The following PRR33 variants were observed in gnomAD, a reference collection of about 807,000 sequenced individuals.
PRR33 encodes proline-rich protein 33.
In PRR33, 1 loss-of-function variant was observed where a neutral mutation model predicts 0.5. That is an observed-to-expected ratio of 2.18 (90% CI 0.77 to 10.34). PRR33 has a LOEUF of 10.34. PRR33 is among the 30% of genes most tolerant of loss of function. The probability of loss-of-function intolerance (pLI) is 0.13; values close to 1 mark genes in which losing one functional copy is unlikely to be tolerated. For synonymous variants in PRR33, 226 were observed against 110.0 expected, an observed-to-expected ratio of 2.06 and a Z score of -6.60; for missense variants, 552 against 251.8, an observed-to-expected ratio of 2.19 and a Z score of -8.07.
At chr11:1,890,827 T>C in exon 1 of PRR33, 1 of 565,386 alleles carries the variant, frequency 1.8e-6, no homozygotes, top group Non-Finnish European at 3.2e-6. Context: ...GCCGAGTCCC[T>C]CCAGGGATGG....
chr11:1,905,618 T>C, the PRR33 span, among the ~76,000 whole-genome samples: 1 of 151,534 alleles, frequency 6.6e-6, no homozygotes, highest in African/African-American at 2.4e-5. Flanking sequence ...TTTGTATTTT[T>C]GGTAGAGACG....
At chr11:1,916,366 T>A in the PRR33 span, among the ~76,000 whole-genome samples, 1 of 152,048 alleles carries the variant, frequency 6.6e-6, no homozygotes, top group Admixed American at 6.5e-5. Context: ...ATACACACAG[T>A]TCAGAAAAGC....
At chr11:1,916,815 A>G in the PRR33 span, among the ~76,000 whole-genome samples, 1 of 152,172 alleles carries the variant, frequency 6.6e-6, no homozygotes, top group Non-Finnish European at 1.5e-5. Context: ...CCACGGCCAC[A>G]GCAACCCCAT....
chr11:1,908,333 A>G, the PRR33 span, among the ~76,000 whole-genome samples: 8 of 19,366 alleles, frequency 4.1e-4, no homozygotes, highest in African/African-American at 8.9e-4. Context: ...CCCACCCCCA[A>G]ATAAACTCAC....
upstream of PRR33, among the ~76,000 whole-genome samples, chr11:1,893,361 A>G (rs969363140): frequency 2.3e-4 from 33 of 146,362 alleles, no homozygotes; most frequent in African/African-American, 8.0e-4. Context: ...AGGTGGGTGG[A>G]TGGATGGACT....
the PRR33 span, among the ~76,000 whole-genome samples, chr11:1,908,659 C>T: frequency 6.6e-6 from 1 of 152,156 alleles, no homozygotes; most frequent in Non-Finnish European, 1.5e-5. Flanking sequence ...TGCATCTGGC[C>T]GCGTTCCTGA....
chr11:1,899,946 G>T, the PRR33 span, among the ~76,000 whole-genome samples: 5 of 151,972 alleles, frequency 3.3e-5, no homozygotes, highest in Admixed American at 1.3e-4. Context: ...AGTTTCGATT[G>T]TCCTCCCAGG....
chr11:1,899,464 T>C, the PRR33 span, among the ~76,000 whole-genome samples: 2 of 152,188 alleles, frequency 1.3e-5, no homozygotes, highest in Admixed American at 6.5e-5. Context: ...CTGTACCTGG[T>C]GAAAATATAC....
exon 1 of PRR33, chr11:1,889,085 C>A (rs1472180822): frequency 2.4e-5 from 14 of 588,832 alleles, no homozygotes; most frequent in Non-Finnish European, 9.2e-6. Context: ...CCAGCTAGAG[C>A]CTCAGCCCCT....
chr11:1,899,684 G>A, the PRR33 span, among the ~76,000 whole-genome samples: 3 of 152,248 alleles, frequency 2.0e-5, no homozygotes, highest in Non-Finnish European at 2.9e-5. Flanking sequence ...TAATATTATT[G>A]TATCTGTAAC....
the PRR33 span, among the ~76,000 whole-genome samples, chr11:1,916,450 T>C: frequency 3.6e-4 from 54 of 151,978 alleles, no homozygotes; most frequent in Non-Finnish European, 1.3e-4. Flanking sequence ...CCCCAGCCAC[T>C]GAGAGAGGAT....
At chr11:1,889,784 C>A (rs1019723336) in exon 1 of PRR33, 1 of 648,926 alleles carries the variant, frequency 1.5e-6, no homozygotes, top group Non-Finnish European at 2.8e-6. Context: ...CTATGGGCAC[C>A]ACAACCCTGG....
chr11:1,905,868 G>A, the PRR33 span, among the ~76,000 whole-genome samples: 380 of 151,954 alleles, frequency 2.5e-3, no homozygotes, highest in Non-Finnish European at 3.4e-3. Context: ...ATCCAGGCTC[G>A]AGTGTATTGG....
chr11:1,899,746 G>T, the PRR33 span, among the ~76,000 whole-genome samples: 4 of 152,104 alleles, frequency 2.6e-5, no homozygotes, highest in Non-Finnish European at 5.9e-5. Context: ...CATCTATCAT[G>T]GGAGATTTCT....
At chr11:1,910,502 C>A in the PRR33 span, among the ~76,000 whole-genome samples, 314 of 152,330 alleles carry the variant, frequency 2.1e-3, 2 homozygotes, top group Non-Finnish European at 3.4e-3. Context: ...GCCACCTCGG[C>A]CTTCCAAAGT....
the PRR33 span, among the ~76,000 whole-genome samples, chr11:1,910,721 C>T: frequency 2.0e-5 from 3 of 152,220 alleles, no homozygotes; most frequent in Admixed American, 6.5e-5. Flanking sequence ...GCATTCTTAA[C>T]GCTATCATTT....
the PRR33 span, among the ~76,000 whole-genome samples, chr11:1,915,482 A>G: frequency 0.79 from 110,426 of 140,464 alleles, 43,125 homozygotes; most frequent in African/African-American, 0.81. Flanking sequence ...CACACACCTC[A>G]GATGATGTTT....
chr11:1,905,989 A>T, the PRR33 span, among the ~76,000 whole-genome samples: 1,151 of 129,604 alleles, frequency 8.9e-3, 21 homozygotes, highest in African/African-American at 0.031. Context: ...CAGCTAAAGT[A>T]TTTTTTTTTT....
the PRR33 span, among the ~76,000 whole-genome samples, chr11:1,904,391 T>C: frequency 6.6e-5 from 10 of 151,822 alleles, no homozygotes; most frequent in Middle Eastern, 3.2e-3. Flanking sequence ...TAGCCAGGCA[T>C]GGTGGTGCAT....
Sources: allele counts gnomAD v4.1 joint callset (sites outside exome capture counted in the v4.1 genomes callset), GRCh38; gene constraint gnomAD v4.1.1; transcripts MANE v1.5; gene names NCBI Gene and HGNC (gene_info 2026-07-23, HGNC 2026-07-21).